Variants in ST6GALNAC5 observed in about 807,000 individuals in gnomAD.
ST6GALNAC5 encodes the protein alpha-N-acetylgalactosaminide alpha-2,6-sialyltransferase 5.
Under a neutral mutation model 33.6 loss-of-function variants are expected in ST6GALNAC5, and 27 were observed. The observed-to-expected ratio is 0.80, with a 90% CI of 0.59 to 1.11. The LOEUF is 1.11. Ranked by LOEUF, ST6GALNAC5 falls within the 50% of genes least tolerant of loss-of-function variation. The pLI is 0.00. For missense variants in ST6GALNAC5, 428 were observed against 454.0 expected (o/e 0.94, Z 0.52); for synonymous variants, 194 against 171.2 (o/e 1.13, Z -1.04).
At chr1:76,972,687 TG>T (rs1648811747) in intron 2 of ST6GALNAC5, among the ~76,000 whole-genome samples, 1 of 152,186 alleles carries the variant, frequency 6.6e-6, no homozygotes, top group Non-Finnish European at 1.5e-5. Context: ...AATAAATTTC[TG>T]GAAGTGGAGT....
chr1:76,874,715 G>C (rs952345792), intron 2 of ST6GALNAC5, among the ~76,000 whole-genome samples: 1 of 152,044 alleles, frequency 6.6e-6, no homozygotes, highest in Non-Finnish European at 1.5e-5. Flanking sequence ...CTTCCCCAGC[G>C]CACTGACTCA....
Position 76,894,412 on chromosome 1 carries a change from A to T in ST6GALNAC5, c.261+25670A>T, listed in dbSNP as rs115324310. Among the ~76,000 whole-genome samples, 263 of 152,182 alleles carry T rather than the reference A, an allele frequency of 1.7e-3. 2 individuals are homozygous for T. Among genetic ancestry groups the T allele is most frequent in the Non-Finnish European group, 3.0e-3 (201 of 68,018 alleles). On this transcript the variant is annotated intron_variant, in intron 2 of 4. Transcript: ENST00000477717. ...AGAGTTTTGTGTGGGGAGTTATGAC[A>T]GAAGTCAGCCAAGTGTAGGTAATGA...
chr1:77,001,301 G>A (rs879129069), intron 2 of ST6GALNAC5, among the ~76,000 whole-genome samples: 2 of 114,556 alleles, frequency 1.7e-5, no homozygotes, highest in Non-Finnish European at 1.9e-5. Flanking sequence ...TTTGTCTGTT[G>A]TTGGTGTATA....
At chr1:76,963,122 CTG>C (rs1371697717) in intron 2 of ST6GALNAC5, among the ~76,000 whole-genome samples, 1 of 152,232 alleles carries the variant, frequency 6.6e-6, no homozygotes, top group East Asian at 1.9e-4. Flanking sequence ...TAGGAACAGA[CTG>C]AGCTAAGGCA....
At chr1:77,061,396 T>C (rs888948617) in intron 4 of ST6GALNAC5, among the ~76,000 whole-genome samples, 2 of 152,012 alleles carry the variant, frequency 1.3e-5, no homozygotes, top group African/African-American at 4.8e-5. Flanking sequence ...GTAGAGTTGC[T>C]ACTCTAAAAG....
intron 2 of ST6GALNAC5, among the ~76,000 whole-genome samples, chr1:76,996,553 C>T (rs1489491497): frequency 1.3e-5 from 2 of 152,204 alleles, no homozygotes; most frequent in African/African-American, 2.4e-5. Flanking sequence ...AAAAGCAAGG[C>T]TTGCTGGTTT....
chr1:77,048,979 C>T (rs1211891693), intron 3 of ST6GALNAC5, among the ~76,000 whole-genome samples: 3 of 152,052 alleles, frequency 2.0e-5, no homozygotes, highest in Non-Finnish European at 4.4e-5. Context: ...TTTAAATATG[C>T]TTTCTGGGAT....
At chr1:76,965,987 C>T (rs1200288741) in intron 2 of ST6GALNAC5, among the ~76,000 whole-genome samples, 2 of 152,144 alleles carry the variant, frequency 1.3e-5, no homozygotes, top group Non-Finnish European at 1.5e-5. Flanking sequence ...GGTACCAGTG[C>T]CATGCTGTTT....
chr1:76,922,317 A>C (rs1647042060), intron 2 of ST6GALNAC5, among the ~76,000 whole-genome samples: 1 of 152,178 alleles, frequency 6.6e-6, no homozygotes, highest in Admixed American at 6.6e-5. Flanking sequence ...AAATGTACAG[A>C]ATCTGTCTGT....
chr1:77,024,387 GAATT>G (rs1387854409), intron 2 of ST6GALNAC5, among the ~76,000 whole-genome samples: 2 of 152,186 alleles, frequency 1.3e-5, no homozygotes, highest in Non-Finnish European at 2.9e-5. Flanking sequence ...ATGAATGAAT[GAATT>G]GATTCATGTT....
At chr1:76,994,424 G>A (rs1351286065) in intron 2 of ST6GALNAC5, among the ~76,000 whole-genome samples, 1 of 152,140 alleles carries the variant, frequency 6.6e-6, no homozygotes, top group Admixed American at 6.6e-5. Context: ...AACTAGATTC[G>A]AAATGACATA....
At chr1:77,008,120 T>C (rs1650496940) in intron 2 of ST6GALNAC5, among the ~76,000 whole-genome samples, 1 of 152,218 alleles carries the variant, frequency 6.6e-6, no homozygotes, top group South Asian at 2.1e-4. Context: ...GTGTATGTCA[T>C]CAGTACCTGG....
At chr1:76,935,030 A>G (rs1647186846) in intron 2 of ST6GALNAC5, among the ~76,000 whole-genome samples, 1 of 152,106 alleles carries the variant, frequency 6.6e-6, no homozygotes, top group Non-Finnish European at 1.5e-5. Context: ...TTTCAGCATA[A>G]TAAGTATGTG....
intron 2 of ST6GALNAC5, among the ~76,000 whole-genome samples, chr1:77,016,138 CCCTCCCCTCCTGTATCTT>C (rs1650828616): frequency 1.6e-5 from 2 of 122,002 alleles, no homozygotes; most frequent in Admixed American, 8.0e-5. Context: ...TGTATCTCCT[CCCTCCCCTCCTGTATCTT>C]CCCCTCCTCC....
At chr1:76,871,485 G>T (rs1485694163) in intron 2 of ST6GALNAC5, 1 of 152,216 alleles carries the variant, frequency 6.6e-6, no homozygotes, top group Non-Finnish European at 1.5e-5. Flanking sequence ...ACATGATGTT[G>T]TTAACATTAA....
At chr1:76,977,792 G>T (rs1309687871) in intron 2 of ST6GALNAC5, among the ~76,000 whole-genome samples, 1 of 152,100 alleles carries the variant, frequency 6.6e-6, no homozygotes, top group Non-Finnish European at 1.5e-5. Flanking sequence ...AAACAGGAGG[G>T]TAGCTATCTC....
intron 2 of ST6GALNAC5, among the ~76,000 whole-genome samples, chr1:76,970,584 G>T (rs969815347): frequency 6.6e-6 from 1 of 152,136 alleles, no homozygotes; most frequent in Non-Finnish European, 1.5e-5. Context: ...TGTGTGATTG[G>T]TGTACCTGAA....
chr1:76,933,634 C>G (rs866735417), intron 2 of ST6GALNAC5, among the ~76,000 whole-genome samples: 32 of 151,886 alleles, frequency 2.1e-4, no homozygotes, highest in Admixed American at 5.9e-4. Flanking sequence ...GGCGTAAGAA[C>G]TGCTGTGTCC....
chr1:77,051,473 C>A (rs1484691290), intron 4 of ST6GALNAC5, among the ~76,000 whole-genome samples: 2 of 152,180 alleles, frequency 1.3e-5, no homozygotes, highest in East Asian at 3.9e-4. Flanking sequence ...CACTTACCCA[C>A]CTAGTATGAC....
Sources: allele counts gnomAD v4.1 joint callset (sites outside exome capture counted in the v4.1 genomes callset), GRCh38; gene constraint gnomAD v4.1.1; transcripts MANE v1.5; gene names NCBI Gene and HGNC (gene_info 2026-07-23, HGNC 2026-07-21).